Variants in GSAP observed in about 807,000 individuals in gnomAD.
GSAP encodes gamma-secretase-activating protein.
Under a neutral mutation model 131.7 loss-of-function variants are expected in GSAP, and 118 were observed. That is an observed-to-expected ratio of 0.90 (90% CI 0.77 to 1.04). GSAP has a LOEUF of 1.04. Ranked by LOEUF, GSAP falls within the 50% of genes least tolerant of loss-of-function variation. GSAP has a pLI of 0.00. For missense variants in GSAP, 1,019 were observed against 1,013.2 expected (o/e 1.01, Z -0.08); for synonymous variants, 381 against 363.4 (o/e 1.05, Z -0.55).
chr7:77,397,324 T>C lies in GSAP; in HGVS notation c.313+22A>G, dbSNP rs772164097. The C allele has an allele frequency of 2.7e-6, 4 of 1,458,750 alleles. No individual in the cohort carries two copies. In the Admixed American group the frequency reaches 5.5e-5, roughly 20 times the overall value. The allele number at this position is 1,458,750 out of a possible 1,614,324, so 90.4% of individuals were successfully genotyped here. A position where few individuals can be genotyped will look rare whatever the true frequency, so the allele number is the denominator to read the frequency against. ...AAGATGTAGTTCAGTTCTTGACATGTAGCAATAAGAGCTCAACTTACCAAG... is the reference window on the plus strand; with the variant it reads ...AAGATGTAGTTCAGTTCTTGACATGCAGCAATAAGAGCTCAACTTACCAAG... On this transcript the variant is annotated intron_variant, in intron 4 of 30. Coordinates refer to ENST00000257626, the MANE Select transcript of GSAP (RefSeq NM_017439.4).
chr7:77,383,086 T>C (rs1267911666), intron 6 of GSAP, among the ~76,000 whole-genome samples: 3 of 151,866 alleles, frequency 2.0e-5, no homozygotes, highest in South Asian at 2.1e-4. Flanking sequence ...ACTCAGGAGG[T>C]TGAAGTGGGA....
chr7:77,389,287 G>A (rs1056260390), intron 5 of GSAP, among the ~76,000 whole-genome samples: 16 of 150,076 alleles, frequency 1.1e-4, no homozygotes, highest in African/African-American at 3.7e-4. Flanking sequence ...GTATGTGTGT[G>A]TGTATATATA....
chr7:77,415,412 G>C (rs756693625), intron 1 of GSAP: 1 of 152,262 alleles, frequency 6.6e-6, no homozygotes, highest in Non-Finnish European at 1.5e-5. Flanking sequence ...AATATTTATA[G>C]AAGACTTTTA....
chr7:77,333,662 T>G (rs998812750), intron 19 of GSAP, among the ~76,000 whole-genome samples: 1 of 152,242 alleles, frequency 6.6e-6, no homozygotes, highest in African/African-American at 2.4e-5. Context: ...TAAAGACTTC[T>G]GATTGTGTGG....
rs188037518 is a variant in GSAP at position 77,361,648 on chromosome 7, C to A, written c.950-747G>T. ...AATTGTTTTTAAATATTGGAAAAAT[C>A]TTTATCTTTAAAAAAATTTAAATAC... On this transcript the variant is annotated intron_variant, in intron 13 of 30. Transcript: ENST00000257626. Among the ~76,000 whole-genome samples, 269 of 152,264 alleles carry A rather than the reference C, an allele frequency of 1.8e-3. 1 individual carries two copies. The highest frequency in any genetic ancestry group is 6.1e-3 in the African/African-American group (255 of 41,566).
intron 5 of GSAP, among the ~76,000 whole-genome samples, chr7:77,389,896 AC>A (rs1369370261): frequency 6.6e-6 from 1 of 152,184 alleles, no homozygotes; most frequent in East Asian, 1.9e-4. Flanking sequence ...TTACAGTCCC[AC>A]CAACAGTGTG....
intron 1 of GSAP, among the ~76,000 whole-genome samples, chr7:77,407,382 A>G (rs569179057): frequency 3.1e-4 from 47 of 152,072 alleles, no homozygotes; most frequent in African/African-American, 1.1e-3. Flanking sequence ...TCCACTTGAG[A>G]TTTTTTCCTC....
intron 12 of GSAP, among the ~76,000 whole-genome samples, chr7:77,366,176 T>C (rs888189581): frequency 1.3e-5 from 2 of 151,718 alleles, no homozygotes; most frequent in Non-Finnish European, 2.9e-5. Flanking sequence ...TTTCTCCCAA[T>C]TCTGTAGGTC....
At chr7:77,384,751 G>A (rs952322628) in intron 6 of GSAP, among the ~76,000 whole-genome samples, 1 of 152,132 alleles carries the variant, frequency 6.6e-6, no homozygotes, top group Non-Finnish European at 1.5e-5. Flanking sequence ...GAAATGTGCT[G>A]CTGGAGATCA....
chr7:77,412,777 A>C (rs911717386), intron 1 of GSAP, among the ~76,000 whole-genome samples: 4 of 12,304 alleles, frequency 3.3e-4, no homozygotes, highest in African/African-American at 2.3e-3. Flanking sequence ...CCAGTTTGAC[A>C]AAAAAAAAAA....
intron 12 of GSAP, among the ~76,000 whole-genome samples, chr7:77,367,172 A>T (rs145868715): frequency 1.9e-3 from 290 of 152,296 alleles, no homozygotes; most frequent in African/African-American, 6.7e-3. Context: ...GCAAACAGGG[A>T]TAGCCTGACT....
At chr7:77,314,654 G>A (rs1176902772) in intron 26 of GSAP, 165 bp from the exon 27 acceptor site, 2 of 644,600 alleles carry the variant, frequency 3.1e-6, no homozygotes, top group Non-Finnish European at 5.2e-6. Flanking sequence ...TGTATTATTC[G>A]TAACTAAATA....
chr7:77,349,055 T>C (rs1161584922), intron 19 of GSAP, among the ~76,000 whole-genome samples: 2 of 152,188 alleles, frequency 1.3e-5, no homozygotes, highest in Non-Finnish European at 2.9e-5. Context: ...CCTCCCCCAG[T>C]ACAGCCTGTT....
rs142629631 is a variant in GSAP at position 77,370,728 on chromosome 7, A to C, written c.871+3342T>G. On this transcript the variant is annotated intron_variant, in intron 12 of 30. Coordinates refer to ENST00000257626, the MANE Select transcript of GSAP (RefSeq NM_017439.4). ...TGTCATGTCTACACATGCTGCTATGACTTTTCTCAATTCCCATATGCCACT... is the reference window on the plus strand; with the variant it reads ...TGTCATGTCTACACATGCTGCTATGCCTTTTCTCAATTCCCATATGCCACT... 9.4e-4 allele frequency among the ~76,000 whole-genome samples: 143 copies of C among 152,134 alleles called. 1 individual carries two copies. In the South Asian group the frequency reaches 0.01, roughly 11 times the overall value.
chr7:77,346,003 C>T (rs535725782), intron 19 of GSAP, among the ~76,000 whole-genome samples: 39 of 152,198 alleles, frequency 2.6e-4, no homozygotes, highest in Non-Finnish European at 1.3e-4. Context: ...AAAAGAAAAA[C>T]TGTATGTATA....
At chr7:77,361,447 A>T (rs1794509435) in intron 13 of GSAP, among the ~76,000 whole-genome samples, 1 of 152,116 alleles carries the variant, frequency 6.6e-6, no homozygotes, top group African/African-American at 2.4e-5. Flanking sequence ...TGTGTGAAAA[A>T]TTTTCCACAA....
intron 14 of GSAP, among the ~76,000 whole-genome samples, chr7:77,358,483 C>T (rs1219292252): frequency 6.6e-6 from 1 of 152,226 alleles, no homozygotes; most frequent in Non-Finnish European, 1.5e-5. Flanking sequence ...GCTATACCTA[C>T]ATTCATATGC....
At position 77,381,361 on chromosome 7, in the gene GSAP, A is replaced by G. The variant is rs1207145636; in HGVS notation, c.527-7T>C. On this transcript the variant is annotated splice_region_variant and splice_polypyrimidine_tract_variant and intron_variant, in intron 7 of 30. Coordinates refer to ENST00000257626, the MANE Select transcript of GSAP (RefSeq NM_017439.4). ...ATACGAAATTGTTCAATATCTTTAA[A>G]AGAAAAACAAAGAAAGATAATTTAA... The G allele has an allele frequency of 1.4e-6, 2 of 1,416,630 alleles. No individual in the cohort carries two copies. Among genetic ancestry groups the G allele is most frequent in the Admixed American group, 1.9e-5 (1 of 51,444 alleles). 87.8% of individuals were successfully genotyped at this position (1,416,630 alleles called of 1,614,324 possible).
Position 77,390,112 on chromosome 7 carries a change from G to A in GSAP, c.368-2664C>T, listed in dbSNP as rs540168679. Reference sequence around the variant, plus strand: ...GAGAAAGTGTCTGTTCATATCCTTCGCCCACTTTTTGATGGGGTTGTTTGT... The same window carrying A: ...GAGAAAGTGTCTGTTCATATCCTTCACCCACTTTTTGATGGGGTTGTTTGT... On this transcript the variant is annotated intron_variant, in intron 5 of 30. Transcript: ENST00000257626. Among the ~76,000 whole-genome samples the A allele has an allele frequency of 1.2e-4, 18 of 152,212 alleles. No individual in the cohort carries two copies. In the East Asian group the frequency reaches 1.9e-3, roughly 16 times the overall value.
Sources: gnomAD v4.1 joint callset for allele counts (sites outside exome capture counted in the v4.1 genomes callset) on GRCh38, gnomAD v4.1.1 for gene constraint, MANE v1.5 for transcripts, NCBI Gene and HGNC (gene_info 2026-07-23, HGNC 2026-07-21) for gene names.